Variants in CHRM5 observed in about 807,000 individuals in gnomAD.
The protein encoded by CHRM5 is muscarinic acetylcholine receptor M5.
Under a neutral mutation model 39.0 loss-of-function variants are expected in CHRM5, and 18 were observed. That is an observed-to-expected ratio of 0.46 (90% CI 0.32 to 0.68). The LOEUF is 0.68. Among genes scored for constraint, CHRM5 ranks in the 30% least tolerant of loss-of-function variants. CHRM5 has a pLI of 0.04. For missense variants in CHRM5, 515 were observed against 651.1 expected (o/e 0.79, Z 2.28); for synonymous variants, 241 against 246.3 (o/e 0.98, Z 0.20).
At chr15:34,017,017 GC>G (rs67300038) in intron 1 of CHRM5, among the ~76,000 whole-genome samples, 94,964 of 151,648 alleles carry the variant, frequency 0.63, 34,743 homozygotes, top group Non-Finnish European at 0.82. Flanking sequence ...TGTAGTCCAA[GC>G]TACTCAGGAG....
chr15:33,997,303 CT>C (rs1315669040), intron 1 of CHRM5, among the ~76,000 whole-genome samples: 4 of 151,842 alleles, frequency 2.6e-5, no homozygotes, highest in South Asian at 2.1e-4. Context: ...ATCAAGACTA[CT>C]TTTTTTTTAA....
At chr15:34,000,187 C>T (rs1183156276) in intron 1 of CHRM5, among the ~76,000 whole-genome samples, 1 of 152,144 alleles carries the variant, frequency 6.6e-6, no homozygotes, top group South Asian at 2.1e-4. Context: ...TGGTTAACAG[C>T]CCTTCCTCAT....
chr15:33,982,593 T>G (rs1206316251), intron 1 of CHRM5, among the ~76,000 whole-genome samples: 1 of 152,214 alleles, frequency 6.6e-6, no homozygotes, highest in South Asian at 2.1e-4. Flanking sequence ...TTTTACAATT[T>G]TTTTTAAATG....
At chr15:34,055,626 C>G (rs1348581076) in intron 2 of CHRM5, among the ~76,000 whole-genome samples, 1 of 151,510 alleles carries the variant, frequency 6.6e-6, no homozygotes, top group African/African-American at 2.4e-5. Flanking sequence ...ATGGTGAAAC[C>G]CTGTCTCTAC....
At chr15:33,993,318 A>T (rs1261968065) in intron 1 of CHRM5, among the ~76,000 whole-genome samples, 2 of 152,242 alleles carry the variant, frequency 1.3e-5, no homozygotes, top group African/African-American at 4.8e-5. Context: ...TTCAGAGACT[A>T]ACAGAAAGAG....
intron 2 of CHRM5, among the ~76,000 whole-genome samples, chr15:34,047,361 G>C (rs959064942): frequency 6.6e-6 from 1 of 152,198 alleles, no homozygotes; most frequent in Non-Finnish European, 1.5e-5. Flanking sequence ...ACAGGCGTGA[G>C]CCACCGTGCC....
chr15:34,039,970 AG>A (rs1305399917), intron 1 of CHRM5, among the ~76,000 whole-genome samples: 1 of 152,246 alleles, frequency 6.6e-6, no homozygotes, highest in Non-Finnish European at 1.5e-5. Context: ...GCATGAAAGC[AG>A]TTTTTAACTT....
At chr15:33,974,866 G>A (rs1242705093) in intron 1 of CHRM5, among the ~76,000 whole-genome samples, 1 of 152,150 alleles carries the variant, frequency 6.6e-6, no homozygotes, top group African/African-American at 2.4e-5. Context: ...CCCGCTACTT[G>A]GAGGCTGGGG....
chr15:34,008,944 G>A (rs1180148435), intron 1 of CHRM5, among the ~76,000 whole-genome samples: 1 of 34,280 alleles, frequency 2.9e-5, no homozygotes, highest in African/African-American at 6.3e-5. Context: ...ACACTCACAC[G>A]TGCGCGCGCG....
intron 1 of CHRM5, chr15:34,038,843 T>C (rs1350759990): frequency 2.5e-6 from 3 of 1,184,118 alleles, no homozygotes; most frequent in Middle Eastern, 3.5e-4. Context: ...GGGCGCCTCC[T>C]CCTCCTCGGC....
intron 1 of CHRM5, among the ~76,000 whole-genome samples, chr15:33,971,843 G>A (rs532327116): frequency 1.5e-4 from 23 of 152,094 alleles, no homozygotes; most frequent in Non-Finnish European, 2.6e-4. Flanking sequence ...GAATAAGGAT[G>A]TAGTTCACCA....
At chr15:34,039,121 G>A in intron 1 of CHRM5, 1 of 1,047,160 alleles carries the variant, frequency 9.5e-7, no homozygotes, top group African/African-American at 1.7e-5. Context: ...CCGGAAGCGG[G>A]CCGCACGGAG....
chr15:34,060,025 A>G (rs963272544), intron 2 of CHRM5, among the ~76,000 whole-genome samples: 7 of 152,224 alleles, frequency 4.6e-5, no homozygotes, highest in African/African-American at 1.7e-4. Flanking sequence ...AGCGATTTCC[A>G]CAGGCCCTTT....
chr15:34,036,527 A>G (rs1899135816), intron 1 of CHRM5, among the ~76,000 whole-genome samples: 1 of 152,172 alleles, frequency 6.6e-6, no homozygotes, highest in African/African-American at 2.4e-5. Context: ...AAGTCAATCA[A>G]TCTTGTCTCA....
rs556207896 is a variant in CHRM5, at chr15:34,042,905, A to G, written c.-407-3635A>G. Among the ~76,000 whole-genome samples, 3 of 152,274 alleles carry G rather than the reference A, an allele frequency of 2.0e-5. No individual in the cohort carries two copies. The East Asian group carries it at 5.8e-4, about 29-fold the overall frequency. The stretch of plus-strand genomic sequence containing the variant: ...GCATCCTCAACTACTGTGTCAAGGT[A>G]GCATCTGAGCCTTCAAACATCACAA... On this transcript the variant is annotated intron_variant, in intron 1 of 2. Transcript: ENST00000383263.
At chr15:33,997,773 G>A (rs1365356736) in intron 1 of CHRM5, among the ~76,000 whole-genome samples, 1 of 151,488 alleles carries the variant, frequency 6.6e-6, no homozygotes, top group Admixed American at 6.6e-5. Context: ...TCATTTCATT[G>A]CATTTGCTCT....
rs1233205595 is a variant in CHRM5 at position 34,063,771 on chromosome 15, G to GA, written c.1060dup (p.Ser354LysfsTer2). On this transcript the variant is annotated frameshift_variant, in exon 3 of 3. Coordinates refer to ENST00000383263, the MANE Select transcript of CHRM5 (RefSeq NM_012125.4). LOFTEE classifies it high-confidence loss of function. The surrounding 1 kb of genome is among the most constrained non-coding windows in gnomAD (Gnocchi z 4.1). ...GGAAACTTTTGTGAAAGCTGAAACTGAAAAAAGTGACTATGACACCCCAAA... is the reference window on the plus strand; with the variant it reads ...GGAAACTTTTGTGAAAGCTGAAACTGAAAAAAAGTGACTATGACACCCCAAA... 1 of 1,614,142 alleles carries GA rather than the reference G, an allele frequency of 6.2e-7. No homozygotes were observed. The highest frequency in any genetic ancestry group is 8.5e-7 in the Non-Finnish European group (1 of 1,180,030).
At chr15:34,031,085 C>A (rs1326840766) in intron 1 of CHRM5, among the ~76,000 whole-genome samples, 5 of 148,728 alleles carry the variant, frequency 3.4e-5, no homozygotes, top group African/African-American at 1.2e-4. Context: ...AGAGGAATCA[C>A]AACACTGATA....
chr15:34,003,516 G>A (rs1897218893), intron 1 of CHRM5, among the ~76,000 whole-genome samples: 1 of 152,096 alleles, frequency 6.6e-6, no homozygotes, highest in Admixed American at 6.5e-5. Context: ...AATAATCAAG[G>A]CTGTAAGCAT....
Sources: allele counts gnomAD v4.1 joint callset (sites outside exome capture counted in the v4.1 genomes callset), GRCh38; gene constraint gnomAD v4.1.1; non-coding constraint Gnocchi (gnomAD v3.1); transcripts MANE v1.5; gene names NCBI Gene and HGNC (gene_info 2026-07-23, HGNC 2026-07-21).